ADD2: variants seen among roughly 807,000 people sequenced by gnomAD.
ADD2 encodes the protein adducin 2.
ADD2 carries 23 observed loss-of-function variants against 83.0 expected under a neutral mutation model. That is an observed-to-expected ratio of 0.28 (90% confidence interval 0.20 to 0.39). The LOEUF is 0.39. ADD2 is among the 10% of genes least tolerant of loss of function. ADD2 has a pLI of 1.00. For missense variants in ADD2, 758 were observed against 944.9 expected, an observed-to-expected ratio of 0.80 and a Z score of 2.59; for synonymous variants, 375 against 375.4, an observed-to-expected ratio of 1.00 and a Z score of 0.01.
At chr2:70,666,085 A>G (rs1675789808) in intron 15 of ADD2, among the ~76,000 whole-genome samples, 1 of 152,152 alleles carries the variant, frequency 6.6e-6, no homozygotes, top group Non-Finnish European at 1.5e-5. Context: ...AAGTGCTGGG[A>G]TTACAGGCGT....
intron 1 of ADD2, among the ~76,000 whole-genome samples, chr2:70,760,059 C>CT (rs1241830681): frequency 6.6e-6 from 1 of 152,186 alleles, no homozygotes; most frequent in African/African-American, 2.4e-5. Flanking sequence ...CATCTGTACT[C>CT]TAACTTTTAC....
At position 70,660,146 on chromosome 2, in the gene ADD2, A is replaced by C. The variant is rs1675491063; in HGVS notation, c.*3279T>G. Reference sequence around the variant, plus strand: ...TGTCTGTTTCTGTAGCATTTGGTGCATGTCCTCAAGCCTGGAGCTAAATGT... The same window carrying C: ...TGTCTGTTTCTGTAGCATTTGGTGCCTGTCCTCAAGCCTGGAGCTAAATGT... On this transcript the variant is annotated 3_prime_UTR_variant, in exon 16 of 16. Transcript: ENST00000264436. The C allele has an allele frequency of 6.6e-6, 1 of 152,168 alleles. No individual in the cohort carries two copies. The highest frequency in any genetic ancestry group is 1.5e-5 in the Non-Finnish European group (1 of 68,048). The allele number at this position is 152,168 out of a possible 1,614,324, so 9.4% of individuals were successfully genotyped here.
chr2:70,693,460 A>C, intron 6 of ADD2, among the ~76,000 whole-genome samples: 1 of 152,174 alleles, frequency 6.6e-6, no homozygotes, highest in East Asian at 1.9e-4. Flanking sequence ...CAACTTGCCC[A>C]TCACCCCCAC....
At chr2:70,704,191 G>A (rs1553373910) in intron 4 of ADD2, 130 bp downstream of exon 4, 1 of 1,235,902 alleles carries the variant, frequency 8.1e-7, no homozygotes, top group East Asian at 2.5e-5. Flanking sequence ...AGCTCCCCAA[G>A]GCCTGATAAC....
intron 1 of ADD2, among the ~76,000 whole-genome samples, chr2:70,735,240 C>G (rs912801610): frequency 2.0e-5 from 3 of 152,054 alleles, no homozygotes; most frequent in Non-Finnish European, 4.4e-5. Flanking sequence ...AGAGTGCCCT[C>G]TGAATGAAAC....
At chr2:70,766,331 T>A (rs527319824) in intron 1 of ADD2, among the ~76,000 whole-genome samples, 5 of 152,190 alleles carry the variant, frequency 3.3e-5, no homozygotes, top group Admixed American at 6.5e-5. Context: ...CTGGGCAAGA[T>A]CCTGATCTAT....
At chr2:70,726,687 C>G (rs948313628) in intron 1 of ADD2, among the ~76,000 whole-genome samples, 2 of 152,112 alleles carry the variant, frequency 1.3e-5, no homozygotes, top group Non-Finnish European at 2.9e-5. Context: ...AACACTTGAT[C>G]CAAAAAGACA....
intron 1 of ADD2, among the ~76,000 whole-genome samples, chr2:70,747,783 A>G (rs1553382294): frequency 6.6e-6 from 1 of 152,232 alleles, no homozygotes; most frequent in African/African-American, 2.4e-5. Flanking sequence ...GGAGCCACTT[A>G]TAATCTCAGA....
At chr2:70,694,822 G>A (rs577021913) in intron 6 of ADD2, among the ~76,000 whole-genome samples, 2 of 151,962 alleles carry the variant, frequency 1.3e-5, no homozygotes, top group Admixed American at 6.6e-5. Context: ...TGGAACACTC[G>A]GTAACCCTGA....
At chr2:70,760,936 T>C (rs537426177) in intron 1 of ADD2, among the ~76,000 whole-genome samples, 1 of 152,314 alleles carries the variant, frequency 6.6e-6, no homozygotes, top group African/African-American at 2.4e-5. Flanking sequence ...AGAATAATAT[T>C]TGGAGTTTTT....
intron 11 of ADD2, 130 bp downstream of exon 11, chr2:70,678,574 T>G: frequency 1.5e-6 from 2 of 1,341,050 alleles, no homozygotes; most frequent in East Asian, 4.9e-5. Flanking sequence ...AGAGGCCTAA[T>G]AGGAAGCCCA....
intron 1 of ADD2, among the ~76,000 whole-genome samples, chr2:70,737,168 G>A (rs1326249971): frequency 6.6e-6 from 1 of 152,090 alleles, no homozygotes; most frequent in Non-Finnish European, 1.5e-5. Context: ...ACAGTGTGGC[G>A]ATTCCTCAAG....
At chr2:70,736,129 G>T (rs927417584) in intron 1 of ADD2, among the ~76,000 whole-genome samples, 5 of 151,908 alleles carry the variant, frequency 3.3e-5, no homozygotes, top group South Asian at 2.1e-4. Flanking sequence ...TGCCGGGGGT[G>T]GGGGGCAGAA....
Position 70,659,981 on chromosome 2 carries a change from C to T in ADD2, c.*3444G>A, listed in dbSNP as rs782017731. 1 of 152,206 alleles carries T rather than the reference C, an allele frequency of 6.6e-6. No individual in the cohort carries two copies. Among genetic ancestry groups the T allele is most frequent in the African/African-American group, 2.4e-5 (1 of 41,424 alleles). 9.4% of individuals were successfully genotyped at this position (152,206 alleles called of 1,614,324 possible). Reference sequence around the variant, plus strand: ...GCACAGTAGCTCAACCAGACATGAACCTACTGCCCACCAAATCTGAGCTCT... The same window carrying T: ...GCACAGTAGCTCAACCAGACATGAATCTACTGCCCACCAAATCTGAGCTCT... On this transcript the variant is annotated 3_prime_UTR_variant, in exon 16 of 16. Transcript: ENST00000264436.
rs1675380270 is a variant in ADD2, at chr2:70,657,005, A to AT, written c.*6419_*6420insA. 1 of 136,866 alleles carries AT rather than the reference A, an allele frequency of 7.3e-6. No homozygotes were observed. Among genetic ancestry groups the AT allele is most frequent in the Non-Finnish European group, 1.6e-5 (1 of 62,832 alleles). The allele number at this position is 136,866 out of a possible 1,614,324, so 8.5% of individuals were successfully genotyped here. Reference sequence around the variant, plus strand: ...AGAAAACTATACAAAACCAACCCATAAATATATATATATATATAATATGTG... The same window carrying AT: ...AGAAAACTATACAAAACCAACCCATATAATATATATATATATATAATATGTG... On this transcript the variant is annotated 3_prime_UTR_variant, in exon 16 of 16. Coordinates refer to ENST00000264436, the MANE Select transcript of ADD2 (RefSeq NM_001617.4).
At chr2:70,748,940 T>C (rs1674372740) in intron 1 of ADD2, among the ~76,000 whole-genome samples, 1 of 152,222 alleles carries the variant, frequency 6.6e-6, no homozygotes, top group African/African-American at 2.4e-5. Flanking sequence ...CTGCTTGAGC[T>C]GTACTGAACT....
At chr2:70,665,349 T>A (rs1292603238) in intron 15 of ADD2, among the ~76,000 whole-genome samples, 3 of 152,166 alleles carry the variant, frequency 2.0e-5, no homozygotes, top group Non-Finnish European at 4.4e-5. Context: ...TCCAGACCAC[T>A]GCGGAGCACC....
intron 10 of ADD2, 103 bp from the exon 11 acceptor site, chr2:70,679,064 T>C: frequency 7.4e-7 from 1 of 1,357,740 alleles, no homozygotes. Flanking sequence ...AAAGGACTCT[T>C]CATGTAAACC....
intron 8 of ADD2, among the ~76,000 whole-genome samples, chr2:70,690,199 C>T (rs896862910): frequency 2.0e-5 from 3 of 151,914 alleles, no homozygotes; most frequent in Non-Finnish European, 4.4e-5. Context: ...TGGAGTCAAT[C>T]GATCCTCCCA....
Sources: allele counts gnomAD v4.1 joint callset (sites outside exome capture counted in the v4.1 genomes callset), GRCh38; gene constraint gnomAD v4.1.1; transcripts MANE v1.5; gene names NCBI Gene and HGNC (gene_info 2026-07-23, HGNC 2026-07-21).